The following TRAF6 variants were observed in gnomAD, a reference collection of about 807,000 sequenced individuals.
The protein encoded by TRAF6 is TNF receptor associated factor 6.
A neutral mutation model predicts 48.4 loss-of-function variants in TRAF6; 10 were observed. That is an observed-to-expected ratio of 0.21 (90% confidence interval 0.13 to 0.35). The LOEUF is 0.35. Among genes scored for constraint, TRAF6 ranks in the 10% least tolerant of loss-of-function variants. The pLI is 1.00. For missense variants in TRAF6, 397 were observed against 661.0 expected (o/e 0.60, Z 4.38); for synonymous variants, 186 against 219.6 (o/e 0.85, Z 1.35).
intron 1 of TRAF6, among the ~76,000 whole-genome samples, chr11:36,509,564 C>T (rs1859871409): frequency 6.6e-6 from 1 of 152,106 alleles, no homozygotes; most frequent in Admixed American, 6.5e-5. Context: ...GGTGTTTGCT[C>T]CAAGGAGCGG....
chr11:36,498,918 T>C (rs1859678276), intron 2 of TRAF6, among the ~76,000 whole-genome samples: 1 of 152,178 alleles, frequency 6.6e-6, no homozygotes, highest in Non-Finnish European at 1.5e-5. Flanking sequence ...AAAAATTAGC[T>C]GAATAAGGTA....
chr11:36,505,695 G>A (rs553252664), intron 1 of TRAF6, among the ~76,000 whole-genome samples: 22 of 152,232 alleles, frequency 1.4e-4, no homozygotes, highest in South Asian at 6.2e-4. Flanking sequence ...GACTTCTGAT[G>A]TGCCTTCTTC....
rs1002199519 is a variant in TRAF6 at position 36,487,728 on chromosome 11, A to T, written c.*2110T>A. On this transcript the variant is annotated 3_prime_UTR_variant, in exon 7 of 7. Coordinates refer to ENST00000526995, the MANE Select transcript of TRAF6 (RefSeq NM_004620.4). Reference sequence around the variant, plus strand: ...AGGCAAAACAACTTTTTTTTTTAATAAAGACTCTTGAGTTAGTAGAAAAAA... The same window carrying T: ...AGGCAAAACAACTTTTTTTTTTAATTAAGACTCTTGAGTTAGTAGAAAAAA... The T allele has an allele frequency of 6.6e-6, 1 of 152,120 alleles. No individual in the cohort carries two copies. Among genetic ancestry groups the T allele is most frequent in the African/African-American group, 2.4e-5 (1 of 41,408 alleles). The allele number at this position is 152,120 out of a possible 1,614,324, so 9.4% of individuals were successfully genotyped here.
rs34320471 is a variant in TRAF6 at position 36,501,233 on chromosome 11, T to A, written c.283A>T (p.Ile95Leu). The change falls in exon 2 of 7, where the codon ATA becomes TTA. Residue 95 changes from isoleucine to leucine, a missense_variant. Around this residue, in one of 4 missense-constraint regions of TRAF6, gnomAD observed 245 missense variants for 349.1 expected, o/e 0.70. Coordinates refer to ENST00000526995, the MANE Select transcript of TRAF6 (RefSeq NM_004620.4). Reference sequence around the variant, plus strand: ...ATGCTCACGTACCTTATTGATTTTATGATGCAGGCTTTGCAGAACCTATGG... The same window carrying A: ...ATGCTCACGTACCTTATTGATTTTAAGATGCAGGCTTTGCAGAACCTATGG... ...CGHRFCKACI[I>L]KSIRDAGHKC... 4.9e-5 allele frequency: 79 copies of A among 1,600,116 alleles called. No homozygotes were observed. The highest frequency in any genetic ancestry group is 6.1e-5 in the Non-Finnish European group (72 of 1,172,212).
chr11:36,502,982 T>G (rs1040063336), intron 1 of TRAF6, among the ~76,000 whole-genome samples: 1 of 152,204 alleles, frequency 6.6e-6, no homozygotes, highest in Non-Finnish European at 1.5e-5. Flanking sequence ...TTGTCACCAC[T>G]TATCAAAGTG....
chr11:36,492,468 C>T lies in TRAF6; in HGVS notation c.756+83G>A. ...TTACACTGCTTTACAACTACATCTA[C>T]ATTCTTGTTGTTATTCTCCACTACA... On this transcript the variant is annotated intron_variant, in intron 6 of 6. Coordinates refer to ENST00000526995, the MANE Select transcript of TRAF6 (RefSeq NM_004620.4). 3 of 1,122,598 alleles carry T rather than the reference C, an allele frequency of 2.7e-6. 1 individual carries two copies. Among genetic ancestry groups the T allele is most frequent in the Admixed American group, 2.2e-5 (1 of 45,062 alleles). 69.5% of individuals were successfully genotyped at this position (1,122,598 alleles called of 1,614,324 possible).
At position 36,485,741 on chromosome 11, in the gene TRAF6, G is replaced by A. The variant is rs1170008204; in HGVS notation, c.*4097C>T. Reference sequence around the variant, plus strand: ...CCAGGCACCTCCTTGCCAAGTGTCCGTTTTTGACTGAAAGTGAAGGCTGTA... The same window carrying A: ...CCAGGCACCTCCTTGCCAAGTGTCCATTTTTGACTGAAAGTGAAGGCTGTA... On this transcript the variant is annotated 3_prime_UTR_variant, in exon 7 of 7. Transcript: ENST00000526995. Among the ~76,000 whole-genome samples the A allele has an allele frequency of 1.3e-5, 2 of 152,066 alleles. No homozygotes were observed. The highest frequency in any genetic ancestry group is 2.4e-5 in the African/African-American group (1 of 41,352).
chr11:36,502,024 G>T (rs1243379905), intron 1 of TRAF6, among the ~76,000 whole-genome samples: 1 of 152,190 alleles, frequency 6.6e-6, no homozygotes, highest in Non-Finnish European at 1.5e-5. Flanking sequence ...GAAGTTCCTT[G>T]AAGTATCCTG....
At chr11:36,503,333 C>G (rs527942988) in intron 1 of TRAF6, among the ~76,000 whole-genome samples, 1 of 146,890 alleles carries the variant, frequency 6.8e-6, no homozygotes. Context: ...CTCACTCTGT[C>G]GCTCAGGCTG....
In TRAF6 at chr11:36,489,854, G is replaced by C. The variant is rs950725856; in HGVS notation, c.1553C>G (p.Thr518Ser). The C allele has an allele frequency of 6.2e-7, 1 of 1,613,786 alleles. No homozygotes were observed. The change falls in exon 7 of 7, where the codon ACT becomes AGT. Residue 518 changes from threonine to serine, a missense_variant. Around this residue, in one of 4 missense-constraint regions of TRAF6, gnomAD observed 74 missense variants for 198.9 expected, o/e 0.37. Coordinates refer to ENST00000526995, the MANE Select transcript of TRAF6 (RefSeq NM_004620.4). Reference protein sequence around the residue: ...LRREGFQPRSTDAGV With the variant: ...LRREGFQPRSSDAGV ...GAGGGCAAGCTATACCCCTGCATCAGTACTTCGTGGCTGAAAACCCTCCCT... is the reference window on the plus strand; with the variant it reads ...GAGGGCAAGCTATACCCCTGCATCACTACTTCGTGGCTGAAAACCCTCCCT...
chr11:36,496,304 A>C (rs1859631816), intron 4 of TRAF6: 1 of 152,202 alleles, frequency 6.6e-6, no homozygotes, highest in South Asian at 2.1e-4. Flanking sequence ...TTGGCCTGGC[A>C]TGATGGCTCG....
intron 5 of TRAF6, among the ~76,000 whole-genome samples, chr11:36,493,742 G>C (rs5030504): frequency 0.013 from 2,019 of 152,234 alleles, 32 homozygotes; most frequent in East Asian, 0.07. Flanking sequence ...TTGTTGCATG[G>C]TTTCCTTTAA....
intron 4 of TRAF6, 116 bp from the exon 5 acceptor site, chr11:36,495,163 C>T (rs910714562): frequency 3.6e-5 from 25 of 702,534 alleles, no homozygotes; most frequent in African/African-American, 3.2e-4. Context: ...TCAATTTGTA[C>T]AAAGCAAAAG....
At chr11:36,498,404 A>G in intron 3 of TRAF6, 86 bp downstream of exon 3, 6 of 1,246,318 alleles carry the variant, frequency 4.8e-6, no homozygotes, top group Non-Finnish European at 6.7e-6. Context: ...AGGTACTGGC[A>G]ATACACAGAT....
chr11:36,503,465 T>C (rs1590644301), intron 1 of TRAF6, among the ~76,000 whole-genome samples: 1 of 152,138 alleles, frequency 6.6e-6, no homozygotes, highest in Non-Finnish European at 1.5e-5. Flanking sequence ...TTGTGTTTAG[T>C]AGAGACGGGG....
rs1194454479 is a variant in TRAF6, at chr11:36,489,229, A to T, written c.*609T>A. 1 of 152,868 alleles carries T rather than the reference A, an allele frequency of 6.5e-6. No individual in the cohort carries two copies. Among genetic ancestry groups the T allele is most frequent in the Admixed American group, 6.5e-5 (1 of 15,316 alleles). The allele number at this position is 152,868 out of a possible 1,614,324, so 9.5% of individuals were successfully genotyped here. On this transcript the variant is annotated 3_prime_UTR_variant, in exon 7 of 7. Transcript: ENST00000526995. Reference sequence around the variant, plus strand: ...GTTTACACTAAATAATTAAGGTTATATTTAGGGTTTAAACTCATCCCTGAA... The same window carrying T: ...GTTTACACTAAATAATTAAGGTTATTTTTAGGGTTTAAACTCATCCCTGAA...
intron 1 of TRAF6, among the ~76,000 whole-genome samples, chr11:36,506,458 A>G (rs560379492): frequency 2.0e-4 from 31 of 152,244 alleles, no homozygotes; most frequent in African/African-American, 7.5e-4. Context: ...AGAAATTAGT[A>G]TTTGTTATTT....
chr11:36,506,430 T>C (rs997635706), intron 1 of TRAF6, among the ~76,000 whole-genome samples: 2 of 152,186 alleles, frequency 1.3e-5, no homozygotes, highest in Admixed American at 1.3e-4. Context: ...ATTTTTTTTT[T>C]AAGTAAAATC....
In TRAF6 at chr11:36,487,100, C is replaced by G. The variant is rs924622821; in HGVS notation, c.*2738G>C. 1.8e-4 allele frequency: 27 copies of G among 151,346 alleles called. No homozygotes were observed. The highest frequency in any genetic ancestry group is 6.4e-4 in the African/African-American group (26 of 40,722). 9.4% of individuals were successfully genotyped at this position (151,346 alleles called of 1,614,324 possible). A position where few individuals can be genotyped will look rare whatever the true frequency, so the allele number is the denominator to read the frequency against. On this transcript the variant is annotated 3_prime_UTR_variant, in exon 7 of 7. Coordinates refer to ENST00000526995, the MANE Select transcript of TRAF6 (RefSeq NM_004620.4). ...GGTGAGACTGTCTCAAAACAAAAAA[C>G]AAAACAAAACAACCTTTAGTTGAAC...
Sources: gnomAD v4.1 joint callset for allele counts (sites outside exome capture counted in the v4.1 genomes callset) on GRCh38, gnomAD v4.1.1 for gene constraint, gnomAD v4.1.1 regional missense constraint, MANE v1.5 for transcripts, NCBI Gene and HGNC (gene_info 2026-07-23, HGNC 2026-07-21) for gene names.